Variants in CTNNA3 observed in about 807,000 individuals in gnomAD.
The protein encoded by CTNNA3 is catenin alpha 3, also known as catenin alpha-3.
A neutral mutation model predicts 95.7 loss-of-function variants in CTNNA3; 76 were observed. The observed-to-expected ratio is 0.79, with a 90% CI of 0.66 to 0.96. The LOEUF (loss-of-function observed/expected upper bound fraction) is 0.96. Ranked by LOEUF, CTNNA3 falls within the 40% of genes least tolerant of loss-of-function variation. The pLI is 0.00. For missense variants in CTNNA3, 1,191 were observed against 1,089.8 expected, an observed-to-expected ratio of 1.09 and a Z score of -1.31; for synonymous variants, 431 against 374.4, an observed-to-expected ratio of 1.15 and a Z score of -1.74.
In CTNNA3 at chr10:66,927,429, C is replaced by T; in HGVS notation, c.1048-151905G>A. ...ATTTACGGTCTAACTCCCTGAGAAC[C>T]ATCCCTGTGCGAATATTCCAAGACT... On this transcript the variant is annotated intron_variant, in intron 7 of 17. Transcript: ENST00000433211. The surrounding 1 kb of genome is among the most constrained non-coding windows in gnomAD (Gnocchi z 4.7). The T allele has an allele frequency of 6.2e-7, 1 of 1,614,164 alleles. No homozygotes were observed. The highest frequency in any genetic ancestry group is 1.1e-5 in the South Asian group (1 of 91,084).
At chr10:66,405,638 T>C (rs1201665553) in intron 11 of CTNNA3, among the ~76,000 whole-genome samples, 1 of 152,186 alleles carries the variant, frequency 6.6e-6, no homozygotes, top group Non-Finnish European at 1.5e-5. Flanking sequence ...TTTCCTCTGG[T>C]GGTTTGCTTT....
chr10:66,208,163 C>T (rs2087886190), intron 13 of CTNNA3, among the ~76,000 whole-genome samples: 1 of 152,044 alleles, frequency 6.6e-6, no homozygotes, highest in Admixed American at 6.6e-5. Context: ...TGAAGAACGA[C>T]TAATGATCTT....
At chr10:66,487,072 G>A (rs1284278680) in intron 11 of CTNNA3, among the ~76,000 whole-genome samples, 2 of 151,730 alleles carry the variant, frequency 1.3e-5, no homozygotes, top group South Asian at 4.2e-4. Context: ...TTGCCCAAAG[G>A]GCATAAACTT....
intron 9 of CTNNA3, among the ~76,000 whole-genome samples, chr10:66,763,430 A>C (rs1195667701): frequency 4.6e-5 from 7 of 151,360 alleles, no homozygotes; most frequent in African/African-American, 1.7e-4. Context: ...AATCATTTTT[A>C]TTTTCTCCTG....
chr10:66,015,111 T>A (rs1403880911), intron 15 of CTNNA3, among the ~76,000 whole-genome samples: 9 of 151,066 alleles, frequency 6.0e-5, no homozygotes, highest in Non-Finnish European at 1.0e-4. Context: ...CAAAAAATAA[T>A]AATAATAATA....
intron 6 of CTNNA3, among the ~76,000 whole-genome samples, chr10:67,187,236 C>T (rs7078583): frequency 0.39 from 58,633 of 152,006 alleles, 15,987 homozygotes; most frequent in African/African-American, 0.78. Context: ...TCTTATTTAA[C>T]CATTACCAAC....
chr10:66,292,140 A>G (rs2091693467), intron 12 of CTNNA3, among the ~76,000 whole-genome samples: 1 of 151,864 alleles, frequency 6.6e-6, no homozygotes, highest in African/African-American at 2.4e-5. Flanking sequence ...GTAAACACAT[A>G]TGTTTCGTAT....
Position 67,539,582 on chromosome 10 carries a change from G to T in CTNNA3, c.380C>A (p.Ala127Asp). ...KREAVVQAAR[A>D]LLAAVTRLLI... ...GAGTCTCGTCACCGCAGCCAGCAAG[G>T]CACGGGCAGCTTGAACCACAGCCTC... The change falls in exon 4 of 18, where the codon GCC becomes GAC. Residue 127 changes from alanine to aspartate, a missense_variant. Transcript: ENST00000433211. 1.2e-6 allele frequency: 2 copies of T among 1,613,860 alleles called. No individual in the cohort carries two copies. Among genetic ancestry groups the T allele is most frequent in the African/African-American group, 1.3e-5 (1 of 75,008 alleles).
At chr10:67,306,303 G>A (rs1321417084) in intron 5 of CTNNA3, among the ~76,000 whole-genome samples, 2 of 152,128 alleles carry the variant, frequency 1.3e-5, no homozygotes, top group African/African-American at 4.8e-5. Flanking sequence ...ACCAGACATT[G>A]GGGTATATTG....
intron 7 of CTNNA3, among the ~76,000 whole-genome samples, chr10:66,945,199 T>G (rs1848215393): frequency 6.6e-6 from 1 of 152,218 alleles, no homozygotes; most frequent in Non-Finnish European, 1.5e-5. Flanking sequence ...AGAAGATTAT[T>G]TAGTGTAAGT....
chr10:67,542,710 TG>T (rs1438651270), intron 3 of CTNNA3, among the ~76,000 whole-genome samples: 3 of 152,080 alleles, frequency 2.0e-5, no homozygotes, highest in Non-Finnish European at 4.4e-5. Context: ...GATCTACCTC[TG>T]CCTGAGGTGT....
intron 7 of CTNNA3, among the ~76,000 whole-genome samples, chr10:66,993,008 G>A (rs931678132): frequency 6.6e-6 from 1 of 152,006 alleles, no homozygotes; most frequent in African/African-American, 2.4e-5. Flanking sequence ...AAACAGTGGA[G>A]GTTTTCTAAA....
At chr10:66,946,711 T>C (rs972389797) in intron 7 of CTNNA3, among the ~76,000 whole-genome samples, 1 of 152,132 alleles carries the variant, frequency 6.6e-6, no homozygotes, top group African/African-American at 2.4e-5. Context: ...TTCTTGAGTG[T>C]AGTTGTAGAA....
At position 67,150,667 on chromosome 10, in the gene CTNNA3, C is replaced by T. The variant is rs1473556481; in HGVS notation, c.1047+29650G>A. ...AGTCTTCAACAGCTGTAAGAACATT[C>T]TCTTTTCAATGATGCTGTATAATAC... On this transcript the variant is annotated intron_variant, in intron 7 of 17. Transcript: ENST00000433211. 3.3e-5 allele frequency among the ~76,000 whole-genome samples: 5 copies of T among 152,278 alleles called. No homozygotes were observed. In the East Asian group the frequency reaches 9.7e-4, roughly 29 times the overall value.
chr10:66,316,564 C>CTGAT (rs1334426433), intron 12 of CTNNA3, among the ~76,000 whole-genome samples: 1 of 151,998 alleles, frequency 6.6e-6, no homozygotes, highest in East Asian at 1.9e-4. Context: ...CACACTCACT[C>CTGAT]TGATTGGGAC....
intron 9 of CTNNA3, among the ~76,000 whole-genome samples, chr10:66,680,560 G>C (rs748957940): frequency 1.1e-4 from 17 of 152,106 alleles, no homozygotes; most frequent in Non-Finnish European, 2.2e-4. Context: ...TAATACTTGG[G>C]ATATGGGATG....
Position 66,061,340 on chromosome 10 carries a change from G to C in CTNNA3, c.2159+7968C>G, listed in dbSNP as rs2080194973. On this transcript the variant is annotated intron_variant, in intron 15 of 17. Transcript: ENST00000433211. ...AATGGCTACATCAAGTTTTATGTAA[G>C]TAATTTTTTCACACTGCTGATACAG... 2.0e-5 allele frequency among the ~76,000 whole-genome samples: 3 copies of C among 152,212 alleles called. No homozygotes were observed. In the South Asian group the frequency reaches 6.2e-4, roughly 32 times the overall value.
intron 13 of CTNNA3, among the ~76,000 whole-genome samples, chr10:66,187,063 G>T (rs2086384872): frequency 1.3e-5 from 2 of 152,076 alleles, no homozygotes; most frequent in African/African-American, 2.4e-5. Flanking sequence ...ATGCCTGGAG[G>T]GAGCAGAATA....
chr10:67,457,112 C>T (rs1847202000), intron 5 of CTNNA3, among the ~76,000 whole-genome samples: 3 of 152,130 alleles, frequency 2.0e-5, no homozygotes, highest in African/African-American at 4.8e-5. Flanking sequence ...ATAAGAAATA[C>T]TCTGTGAACA....
Sources: allele counts gnomAD v4.1 joint callset (sites outside exome capture counted in the v4.1 genomes callset), GRCh38; gene constraint gnomAD v4.1.1; non-coding constraint Gnocchi (gnomAD v3.1); transcripts MANE v1.5; gene names NCBI Gene and HGNC (gene_info 2026-07-23, HGNC 2026-07-21).